Variants in NBEA observed in about 807,000 individuals in gnomAD.
NBEA encodes the protein lysosomal-trafficking regulator 2.
In NBEA, 44 loss-of-function variants were observed where a neutral mutation model predicts 343.4. The observed-to-expected ratio is 0.13, with a 90% CI of 0.10 to 0.16. The LOEUF (loss-of-function observed/expected upper bound fraction) is 0.16, where lower values mean the gene tolerates loss of function less well. Ranked by LOEUF, NBEA falls within the 10% of genes least tolerant of loss-of-function variation. NBEA has a pLI of 1.00. For missense variants in NBEA, 2,555 were observed against 3,631.3 expected (o/e 0.70, Z 7.62); for synonymous variants, 1,175 against 1,238.7 (o/e 0.95, Z 1.08).
intron 1 of NBEA, among the ~76,000 whole-genome samples, chr13:34,948,780 T>C (rs1048163890): frequency 3.3e-5 from 5 of 152,156 alleles, no homozygotes; most frequent in Non-Finnish European, 7.4e-5. Context: ...GTTGGAATTT[T>C]AGGGATGTTG....
intron 34 of NBEA, among the ~76,000 whole-genome samples, chr13:35,246,565 A>G (rs2031227366): frequency 1.3e-5 from 2 of 152,022 alleles, no homozygotes; most frequent in South Asian, 4.2e-4. Flanking sequence ...CTCTGGATCC[A>G]GCCACCCATC....
intron 1 of NBEA, among the ~76,000 whole-genome samples, chr13:35,011,305 C>T (rs566944756): frequency 6.6e-6 from 1 of 152,162 alleles, no homozygotes; most frequent in South Asian, 2.1e-4. Flanking sequence ...GGAAATAGAT[C>T]TGGGAAATGG....
At chr13:35,425,994 TGCTTG>T (rs1346962490) in intron 38 of NBEA, among the ~76,000 whole-genome samples, 3 of 152,222 alleles carry the variant, frequency 2.0e-5, no homozygotes, top group Non-Finnish European at 4.4e-5. Flanking sequence ...GTTTTCCATT[TGCTTG>T]GTAGATCTTT....
Position 35,173,507 on chromosome 13 carries a change from A to C in NBEA, c.4467A>C (p.Arg1489Ser). 6.2e-7 allele frequency: 1 copy of C among 1,610,486 alleles called. No individual in the cohort carries two copies. The highest frequency in any genetic ancestry group is 8.5e-7 in the Non-Finnish European group (1 of 1,177,768). Residue 1489 changes from arginine (R) to serine (S), a missense_variant, in exon 27 of 59, where the codon AGA becomes AGC. Coordinates refer to ENST00000379939, the MANE Select transcript of NBEA (RefSeq NM_001385012.1). ...GAAACTGTTTAGAATGTCGGCAAAGACAGAGAGACAGGGGAAATAAATCTT... is the reference window on the plus strand; with the variant it reads ...GAAACTGTTTAGAATGTCGGCAAAGCCAGAGAGACAGGGGAAATAAATCTT... ...AVRNCLECRQ[R>S]QRDRGNKSSH...
intron 48 of NBEA, among the ~76,000 whole-genome samples, chr13:35,616,738 G>A (rs1453206785): frequency 1.3e-5 from 2 of 152,180 alleles, no homozygotes; most frequent in East Asian, 3.8e-4. Flanking sequence ...ATTGCTCAGA[G>A]TACTTATATT....
rs868332409 is a variant in NBEA at position 35,628,168 on chromosome 13, C to T, written c.7537C>T (p.Arg2513Cys). Residue 2513 changes from arginine to cysteine, a missense_variant, in exon 49 of 59, where the codon CGT becomes TGT. This residue lies in a region of NBEA where 87 missense variants were observed against 75.0 expected (regional missense o/e 1.16). Transcript: ENST00000379939. Reference sequence around the variant, plus strand: ...TAAGCAGCGAGGACCAGAAGCAGTTCGTGCTCTGAATGTTTTTCACTACTT... The same window carrying T: ...TAAGCAGCGAGGACCAGAAGCAGTTTGTGCTCTGAATGTTTTTCACTACTT... ...GYKQRGPEAVRALNVFHYLTY... is the reference protein window; with the variant it reads ...GYKQRGPEAVCALNVFHYLTY... 1.2e-6 allele frequency: 2 copies of T among 1,613,000 alleles called. No homozygotes were observed. The highest frequency in any genetic ancestry group is 1.7e-6 in the Non-Finnish European group (2 of 1,179,444).
chr13:35,243,438 A>G (rs1394371895), intron 34 of NBEA, among the ~76,000 whole-genome samples: 2 of 151,902 alleles, frequency 1.3e-5, no homozygotes, highest in Non-Finnish European at 2.9e-5. Flanking sequence ...ATGTAAATGG[A>G]TAAAAACTCC....
At chr13:35,646,033 T>A in intron 50 of NBEA, 102 bp downstream of exon 50, 1 of 797,998 alleles carries the variant, frequency 1.3e-6, no homozygotes, top group Non-Finnish European at 2.0e-6. Flanking sequence ...CTTCTGGGAA[T>A]AAGAATAGTG....
At chr13:34,999,484 T>G (rs1311017718) in intron 1 of NBEA, among the ~76,000 whole-genome samples, 2 of 152,308 alleles carry the variant, frequency 1.3e-5, no homozygotes, top group African/African-American at 4.8e-5. Context: ...TCCAGGTATT[T>G]TGCTTCTAGA....
At chr13:35,519,420 C>T (rs1312790893) in intron 41 of NBEA, among the ~76,000 whole-genome samples, 1 of 152,098 alleles carries the variant, frequency 6.6e-6, no homozygotes, top group East Asian at 1.9e-4. Context: ...CTTTCATTGA[C>T]CTTATTACTA....
intron 36 of NBEA, among the ~76,000 whole-genome samples, chr13:35,336,864 A>G (rs533051073): frequency 6.6e-6 from 1 of 152,114 alleles, no homozygotes; most frequent in Admixed American, 6.6e-5. Flanking sequence ...TGGGGCCTAC[A>G]TGAGGGTAGA....
intron 1 of NBEA, among the ~76,000 whole-genome samples, chr13:34,957,397 A>G (rs561440139): frequency 2.0e-5 from 3 of 152,296 alleles, no homozygotes; most frequent in Admixed American, 1.3e-4. Context: ...ACACATGTAT[A>G]ATTTTTGTTT....
chr13:35,049,531 A>G (rs565912916), intron 5 of NBEA, among the ~76,000 whole-genome samples: 17 of 151,966 alleles, frequency 1.1e-4, no homozygotes, highest in East Asian at 1.9e-4. Flanking sequence ...AGCTATTACT[A>G]TCTTCTAAGC....
intron 13 of NBEA, among the ~76,000 whole-genome samples, chr13:35,115,967 G>A (rs1273803413): frequency 6.6e-6 from 1 of 152,102 alleles, no homozygotes; most frequent in Non-Finnish European, 1.5e-5. Flanking sequence ...AGAAGAATAA[G>A]GAAATTATTA....
At chr13:35,046,307 A>G (rs2062854614) in intron 4 of NBEA, among the ~76,000 whole-genome samples, 1 of 152,032 alleles carries the variant, frequency 6.6e-6, no homozygotes. Flanking sequence ...CCTGAGTGAG[A>G]TTGCTGGATT....
At chr13:35,242,683 C>T (rs1247607824) in intron 34 of NBEA, among the ~76,000 whole-genome samples, 2 of 151,796 alleles carry the variant, frequency 1.3e-5, no homozygotes, top group African/African-American at 4.8e-5. Context: ...TAAGTTATCA[C>T]CAGGTTTCTC....
chr13:35,616,735 A>G (rs901558456), intron 48 of NBEA, among the ~76,000 whole-genome samples: 3 of 152,270 alleles, frequency 2.0e-5, no homozygotes, highest in African/African-American at 7.2e-5. Flanking sequence ...ATAATTGCTC[A>G]GAGTACTTAT....
At chr13:35,483,060 C>A (rs1286789826) in intron 41 of NBEA, among the ~76,000 whole-genome samples, 2 of 151,864 alleles carry the variant, frequency 1.3e-5, no homozygotes, top group Non-Finnish European at 2.9e-5. Context: ...AAAACACTGA[C>A]ACAGGCAAAG....
rs140103121 is a variant in NBEA at position 35,653,906 on chromosome 13, G to T, written c.8036-949G>T. Among the ~76,000 whole-genome samples, 387 of 152,244 alleles carry T rather than the reference G, an allele frequency of 2.5e-3. 1 individual carries two copies. Among genetic ancestry groups the T allele is most frequent in the Middle Eastern group, 0.024 (7 of 294 alleles). ...GGACCAACTGTATAGTTTTCAAGTG[G>T]CCTGGGACCCTTGGTCTTCTTGTCC... On this transcript the variant is annotated intron_variant, in intron 53 of 58. Transcript: ENST00000379939.
Sources: allele counts gnomAD v4.1 joint callset (sites outside exome capture counted in the v4.1 genomes callset), GRCh38; gene constraint gnomAD v4.1.1; regional missense constraint gnomAD v4.1.1; transcripts MANE v1.5; gene names NCBI Gene and HGNC (gene_info 2026-07-23, HGNC 2026-07-21).